OLFML2A: variants seen among roughly 807,000 people sequenced by gnomAD.
OLFML2A encodes olfactomedin like 2A.
In OLFML2A, 47 loss-of-function variants were observed where a neutral mutation model predicts 60.9. The observed-to-expected ratio is 0.77, with a 90% CI of 0.61 to 0.98. The LOEUF (loss-of-function observed/expected upper bound fraction) is 0.98. Ranked by LOEUF, OLFML2A falls within the 50% of genes least tolerant of loss-of-function variation. The pLI is 0.00. For synonymous variants in OLFML2A, 372 were observed against 375.0 expected (o/e 0.99, Z 0.09); for missense variants, 922 against 879.8 (o/e 1.05, Z -0.61).
intron 2 of OLFML2A, among the ~76,000 whole-genome samples, chr9:124,788,846 C>T (rs1009815711): frequency 4.6e-5 from 7 of 152,218 alleles, no homozygotes; most frequent in African/African-American, 1.2e-4. Context: ...CCCAGGTCCT[C>T]CTGTGTCCAG....
In OLFML2A at chr9:124,812,737, T is replaced by C. The variant is rs1164545061; in HGVS notation, c.*2325T>C. ...CTTTCATGACATCATAGCCCAACCA[T>C]GTGAGAAGAAGGAGAAGGCCCCCCT... On this transcript the variant is annotated 3_prime_UTR_variant, in exon 8 of 8. Transcript: ENST00000373580. 5.3e-5 allele frequency: 8 copies of C among 151,934 alleles called. No homozygotes were observed. The highest frequency in any genetic ancestry group is 1.9e-4 in the African/African-American group (8 of 41,336). The allele number at this position is 151,934 out of a possible 1,614,324, so 9.4% of individuals were successfully genotyped here. A position where few individuals can be genotyped will look rare whatever the true frequency, so the allele number is the denominator to read the frequency against.
chr9:124,788,022 CG>C (rs1841508752), intron 2 of OLFML2A, among the ~76,000 whole-genome samples: 3 of 151,748 alleles, frequency 2.0e-5, no homozygotes, highest in African/African-American at 7.3e-5. Flanking sequence ...AACCTTCGGC[CG>C]GGCATGGTGG....
intron 3 of OLFML2A, among the ~76,000 whole-genome samples, chr9:124,795,487 G>C (rs972371459): frequency 6.6e-6 from 1 of 152,172 alleles, no homozygotes; most frequent in Admixed American, 6.5e-5. Context: ...GCTGGGCATG[G>C]TGGCTCAGTG....
Position 124,810,326 on chromosome 9 carries a change from C to G in OLFML2A, c.1873C>G (p.Gln625Glu). The change falls in exon 8 of 8, where the codon CAG becomes GAG. Residue 625 changes from glutamine (Q) to glutamate (E), a missense_variant. Gln to Glu is a conservative substitution (Grantham distance 29, BLOSUM62 2). Transcript: ENST00000373580. ...PFLNEHAYTT[Q>E]IDYNPKERVL... ...CCTCAACGAGCACGCCTACACCACC[C>G]AGATCGACTACAACCCCAAGGAGCG... 1.9e-6 allele frequency: 3 copies of G among 1,606,464 alleles called. No individual in the cohort carries two copies. The highest frequency in any genetic ancestry group is 2.5e-6 in the Non-Finnish European group (3 of 1,179,970).
chr9:124,805,487 C>T (rs186552897), intron 6 of OLFML2A, among the ~76,000 whole-genome samples: 7 of 152,112 alleles, frequency 4.6e-5, no homozygotes, highest in African/African-American at 7.2e-5. Flanking sequence ...AATTGCTCAA[C>T]GGAGGCTAAA....
At chr9:124,784,940 C>CTTTTTTTTTTT (rs1461676348) in intron 1 of OLFML2A, among the ~76,000 whole-genome samples, 1 of 50,044 alleles carries the variant, frequency 2.0e-5, no homozygotes, top group African/African-American at 9.8e-5. Context: ...ATTCCTTTTA[C>CTTTTTTTTTTT]TTGTTTTTTT....
chr9:124,814,484 TATTCCTC>T lies in OLFML2A; in HGVS notation c.*4073_*4079del, dbSNP rs1842080434. 6.6e-6 allele frequency: 1 copy of T among 152,222 alleles called. No individual in the cohort carries two copies. Among genetic ancestry groups the T allele is most frequent in the African/African-American group, 2.4e-5 (1 of 41,438 alleles). 9.4% of individuals were successfully genotyped at this position (152,222 alleles called of 1,614,324 possible). On this transcript the variant is annotated 3_prime_UTR_variant, in exon 8 of 8. Coordinates refer to ENST00000373580, the MANE Select transcript of OLFML2A (RefSeq NM_182487.4). ...CCCCCAGGAGCCCCGAGGCCGGCAT[TATTCCTC>T]CCCATTACAGGTGATGAGCCTCAAA...
chr9:124,784,927 T>G (rs1174244890), intron 1 of OLFML2A, among the ~76,000 whole-genome samples: 1 of 148,238 alleles, frequency 6.7e-6, no homozygotes, highest in Non-Finnish European at 1.5e-5. Context: ...GAATCAGTAC[T>G]GCATTCCTTT....
intron 1 of OLFML2A, among the ~76,000 whole-genome samples, chr9:124,785,036 C>T (rs1841435403): frequency 7.3e-6 from 1 of 137,922 alleles, no homozygotes; most frequent in Admixed American, 8.0e-5. Context: ...TCACTGCAGG[C>T]TTGACCTCCC....
At position 124,796,024 on chromosome 9, in the gene OLFML2A, C is replaced by T. The variant is rs567624559; in HGVS notation, c.462+893C>T. On this transcript the variant is annotated intron_variant, in intron 3 of 7. Coordinates refer to ENST00000373580, the MANE Select transcript of OLFML2A (RefSeq NM_182487.4). ...ATCTCTGCTGGCGCAGCCTCACCTCCGCCTGTTTCCTGCATCCGGCCTCTG... is the reference window on the plus strand; with the variant it reads ...ATCTCTGCTGGCGCAGCCTCACCTCTGCCTGTTTCCTGCATCCGGCCTCTG... Among the ~76,000 whole-genome samples the T allele has an allele frequency of 5.9e-5, 9 of 152,344 alleles. No individual in the cohort carries two copies. The South Asian group carries it at 1.0e-3, about 18-fold the overall frequency.
rs199801040 is a variant in OLFML2A, at chr9:124,779,551, G to C, written c.90+2191G>C. Among the ~76,000 whole-genome samples, 263 of 152,100 alleles carry C rather than the reference G, an allele frequency of 1.7e-3. 6 individuals are homozygous for C. The East Asian group carries it at 0.045, about 26-fold the overall frequency. Reference sequence around the variant, plus strand: ...CTAGGTTGTGTGTGTGTGTGGTGGGGGGGGGGTGTTTAGCTGTCCCAGGAC... The same window carrying C: ...CTAGGTTGTGTGTGTGTGTGGTGGGCGGGGGGTGTTTAGCTGTCCCAGGAC... On this transcript the variant is annotated intron_variant, in intron 1 of 7. Transcript: ENST00000373580. The surrounding 1 kb of genome is among the most constrained non-coding windows in gnomAD (Gnocchi z 4.1).
Position 124,813,532 on chromosome 9 carries a change from C to A in OLFML2A, c.*3120C>A, listed in dbSNP as rs1842061173. The A allele has an allele frequency of 6.6e-6, 1 of 152,186 alleles. No homozygotes were observed. The highest frequency in any genetic ancestry group is 1.5e-5 in the Non-Finnish European group (1 of 68,050). The allele number at this position is 152,186 out of a possible 1,614,324, so 9.4% of individuals were successfully genotyped here. On this transcript the variant is annotated 3_prime_UTR_variant, in exon 8 of 8. Transcript: ENST00000373580. ...AGCCTGTTCCAGGCGCTGGTCAGTG[C>A]GTGTTCTTTGCCACCAGCCTGTCAC...
At chr9:124,780,058 A>C (rs566870769) in intron 1 of OLFML2A, among the ~76,000 whole-genome samples, 2 of 152,282 alleles carry the variant, frequency 1.3e-5, no homozygotes, top group East Asian at 1.9e-4. Flanking sequence ...TTTTCATTTC[A>C]TGTTTATAAC....
intron 1 of OLFML2A, among the ~76,000 whole-genome samples, chr9:124,783,646 G>T (rs933718422): frequency 2.0e-5 from 3 of 152,280 alleles, no homozygotes; most frequent in East Asian, 1.9e-4. Flanking sequence ...TCTCACTGAG[G>T]CTCCAGATGC....
At chr9:124,805,811 T>G (rs1243108321) in intron 6 of OLFML2A, among the ~76,000 whole-genome samples, 2 of 123,416 alleles carry the variant, frequency 1.6e-5, no homozygotes, top group Non-Finnish European at 3.3e-5. Context: ...TTTTTTGGTT[T>G]TTTTTTTTTT....
At position 124,814,318 on chromosome 9, in the gene OLFML2A, G is replaced by A. The variant is rs550206418; in HGVS notation, c.*3906G>A. On this transcript the variant is annotated 3_prime_UTR_variant, in exon 8 of 8. Transcript: ENST00000373580. ...GCTGGGAGTTAGGGAGCCCTGGGTT[G>A]GAATCCAGCCCCACCTCTTTTATGC... 6.6e-6 allele frequency: 1 copy of A among 152,480 alleles called. No homozygotes were observed. Among genetic ancestry groups the A allele is most frequent in the South Asian group, 2.1e-4 (1 of 4,834 alleles). 9.4% of individuals were successfully genotyped at this position (152,480 alleles called of 1,614,324 possible).
intron 5 of OLFML2A, 28 bp from the exon 6 acceptor site, chr9:124,804,065 AT>A: frequency 6.2e-7 from 1 of 1,609,996 alleles, no homozygotes; most frequent in Non-Finnish European, 8.5e-7. Flanking sequence ...TGGTGCTGAG[AT>A]TTGAGCACAG....
intron 5 of OLFML2A, among the ~76,000 whole-genome samples, chr9:124,803,563 C>T (rs1157643216): frequency 6.6e-6 from 1 of 152,248 alleles, no homozygotes; most frequent in African/African-American, 2.4e-5. Flanking sequence ...CTGCGCCCAA[C>T]CCTCTAAGCA....
chr9:124,789,078 C>T (rs952419391), intron 2 of OLFML2A, among the ~76,000 whole-genome samples: 1 of 152,104 alleles, frequency 6.6e-6, no homozygotes, highest in African/African-American at 2.4e-5. Flanking sequence ...CACAGGTGCA[C>T]ACCCCCAGGC....
Sources: allele counts gnomAD v4.1 joint callset (sites outside exome capture counted in the v4.1 genomes callset), GRCh38; gene constraint gnomAD v4.1.1; non-coding constraint Gnocchi (gnomAD v3.1); transcripts MANE v1.5; gene names NCBI Gene and HGNC (gene_info 2026-07-23, HGNC 2026-07-21).